Variants in FLVCR1 observed in about 807,000 individuals in gnomAD.
FLVCR1 encodes the protein choline/ethanolamine transporter FLVCR1.
In FLVCR1, 34 loss-of-function variants were observed where a neutral mutation model predicts 53.6. That is an observed-to-expected ratio of 0.63 (90% confidence interval 0.48 to 0.84). FLVCR1 has a LOEUF of 0.84. Ranked by LOEUF, FLVCR1 falls within the 40% of genes least tolerant of loss-of-function variation. The pLI is 0.00. For missense variants in FLVCR1, 677 were observed against 696.7 expected (o/e 0.97, Z 0.32); for synonymous variants, 300 against 286.3 (o/e 1.05, Z -0.48).
In FLVCR1 at chr1:212,895,441, T is replaced by C; in HGVS notation, c.*151T>C. 1.5e-6 allele frequency: 1 copy of C among 672,030 alleles called. No individual in the cohort carries two copies. The allele number at this position is 672,030 out of a possible 1,614,324, so 41.6% of individuals were successfully genotyped here. A position where few individuals can be genotyped will look rare whatever the true frequency, so the allele number is the denominator to read the frequency against. On this transcript the variant is annotated 3_prime_UTR_variant, in exon 10 of 10. Coordinates refer to ENST00000366971, the MANE Select transcript of FLVCR1 (RefSeq NM_014053.4). ...CATATGAACTCTAAATGCATAATTA[T>C]TATTTTGCTTAATTGTTAAATTAAG...
rs372330163 is a variant in FLVCR1, at chr1:212,895,027, G to A, written c.1567G>A (p.Gly523Arg). 39 of 1,595,654 alleles carry A rather than the reference G, an allele frequency of 2.4e-5. No individual in the cohort carries two copies. In the East Asian group the frequency reaches 8.5e-4, roughly 35 times the overall value. ...SDLRRHNINIGITNVDVKAIP... is the reference protein window; with the variant it reads ...SDLRRHNINIRITNVDVKAIP... Reference sequence around the variant, plus strand: ...TCTGCGAAGACACAACATAAATATAGGAATTACAAATGTTGATGTTAAAGC... The same window carrying A: ...TCTGCGAAGACACAACATAAATATAAGAATTACAAATGTTGATGTTAAAGC... The change falls in exon 9 of 10, where the codon GGA (glycine) becomes AGA (arginine). Residue 523 changes from glycine to arginine, a missense_variant. By Grantham distance (125) the Gly-to-Arg change is moderately radical. Transcript: ENST00000366971.
Position 212,888,496 on chromosome 1 carries a change from A to G in FLVCR1, c.1315A>G (p.Met439Val). 6.2e-7 allele frequency: 1 copy of G among 1,611,554 alleles called. No homozygotes were observed. Among genetic ancestry groups the G allele is most frequent in the Non-Finnish European group, 8.5e-7 (1 of 1,177,862 alleles). Residue 439 changes from methionine (M) to valine (V), a missense_variant, in exon 7 of 10, where the codon ATG (methionine) becomes GTG (valine). Met to Val is a conservative substitution (Grantham distance 21). Transcript: ENST00000366971. ...CTGGATTTATTTTCCTAGCTTCTTCATGACTGGTTACCTCCCTTTGGGTTT... is the reference window on the plus strand; with the variant it reads ...CTGGATTTATTTTCCTAGCTTCTTCGTGACTGGTTACCTCCCTTTGGGTTT... ...FVTGGVLGFFMTGYLPLGFEF... is the reference protein window; with the variant it reads ...FVTGGVLGFFVTGYLPLGFEF...
chr1:212,890,810 T>G (rs2102572100), intron 8 of FLVCR1, among the ~76,000 whole-genome samples: 1 of 152,336 alleles, frequency 6.6e-6, no homozygotes, highest in African/African-American at 2.4e-5. Context: ...TTGTGAAACC[T>G]TCAATATGAA....
intron 4 of FLVCR1, among the ~76,000 whole-genome samples, chr1:212,884,321 C>T (rs921895228): frequency 4.0e-5 from 6 of 150,718 alleles, no homozygotes; most frequent in Non-Finnish European, 7.4e-5. Flanking sequence ...GGCTGGGCGC[C>T]GTGGCTCACA....
At chr1:212,875,424 G>C (rs1246761083) in intron 3 of FLVCR1, among the ~76,000 whole-genome samples, 1 of 152,188 alleles carries the variant, frequency 6.6e-6, no homozygotes, top group Non-Finnish European at 1.5e-5. Context: ...GGGCCTTGAA[G>C]AGAGGGTTGG....
intron 5 of FLVCR1, among the ~76,000 whole-genome samples, chr1:212,886,670 G>A (rs773365568): frequency 1.3e-5 from 2 of 151,918 alleles, no homozygotes; most frequent in Non-Finnish European, 2.9e-5. Context: ...TGTGGTGGTG[G>A]GCACCTGTAA....
intron 8 of FLVCR1, 55 bp downstream of exon 8, chr1:212,889,312 A>G: frequency 3.7e-6 from 4 of 1,076,142 alleles, no homozygotes; most frequent in South Asian, 2.5e-5. Context: ...TAATTTTCAT[A>G]TATATTGCTT....
chr1:212,880,493 G>C (rs1041078912), intron 3 of FLVCR1, among the ~76,000 whole-genome samples: 1 of 152,168 alleles, frequency 6.6e-6, no homozygotes, highest in Non-Finnish European at 1.5e-5. Flanking sequence ...ACTTGACCTA[G>C]GCTAGCTTAT....
rs574290692 is a variant in FLVCR1, at chr1:212,873,269, C to T, written c.1024+451C>T. On this transcript the variant is annotated intron_variant, in intron 3 of 9. Transcript: ENST00000366971. ...CAGAGGTGGCAGTGAGCCAAGATTG[C>T]GCCACTGCACTCCAGCCTGGGCAAT... Among the ~76,000 whole-genome samples, 281 of 150,694 alleles carry T rather than the reference C, an allele frequency of 1.9e-3. 1 individual carries two copies. Among genetic ancestry groups the T allele is most frequent in the Non-Finnish European group, 3.3e-3 (227 of 67,794 alleles).
chr1:212,876,347 C>G (rs1664751820), intron 3 of FLVCR1, among the ~76,000 whole-genome samples: 1 of 151,432 alleles, frequency 6.6e-6, no homozygotes, highest in African/African-American at 2.4e-5. Flanking sequence ...CCATCCATGT[C>G]CCTGCAAAGG....
In FLVCR1 at chr1:212,858,788, G is replaced by A. The variant is rs770655789; in HGVS notation, c.336G>A (p.Leu112=). 9.3e-6 allele frequency: 15 copies of A among 1,614,170 alleles called. No homozygotes were observed. Among genetic ancestry groups the A allele is most frequent in the Non-Finnish European group, 1.3e-5 (15 of 1,180,026 alleles). The change falls in exon 1 of 10, where the codon CTG becomes CTA. Residue 112 remains leucine, a synonymous_variant. Transcript: ENST00000366971. ...ALSPRRFVVL[L]IFSLYSLVNA... The stretch of plus-strand genomic sequence containing the variant: ...CCCCGCGGCGCTTCGTGGTGCTCCT[G>A]ATCTTCAGCCTGTACTCGCTGGTCA...
At chr1:212,872,210 G>T (rs1211754613) in intron 2 of FLVCR1, among the ~76,000 whole-genome samples, 1 of 152,006 alleles carries the variant, frequency 6.6e-6, no homozygotes, top group African/African-American at 2.4e-5. Context: ...GACCTCCCAG[G>T]CTCAAGGGTT....
At chr1:212,892,346 C>T (rs1665214650) in intron 8 of FLVCR1, among the ~76,000 whole-genome samples, 1 of 152,210 alleles carries the variant, frequency 6.6e-6, no homozygotes. Flanking sequence ...GGGGTTGATG[C>T]AGCTGGTGAC....
At position 212,896,130 on chromosome 1, in the gene FLVCR1, CTCTTTTT is replaced by C. The variant is rs894976331; in HGVS notation, c.*842_*848del. 14 of 142,728 alleles carry C rather than the reference CTCTTTTT, an allele frequency of 9.8e-5. No individual in the cohort carries two copies. Among genetic ancestry groups the C allele is most frequent in the African/African-American group, 3.9e-4 (14 of 35,666 alleles). 8.8% of individuals were successfully genotyped at this position (142,728 alleles called of 1,614,324 possible). On this transcript the variant is annotated 3_prime_UTR_variant, in exon 10 of 10. Transcript: ENST00000366971. ...CATTGCCTTTTTTTTCTTTTAAACT[CTCTTTTT>C]TTTTTTTTCCTGATGTGTAACTTTC...
intron 8 of FLVCR1, among the ~76,000 whole-genome samples, chr1:212,892,842 C>G (rs553231713): frequency 2.6e-5 from 4 of 152,076 alleles, no homozygotes; most frequent in African/African-American, 9.6e-5. Flanking sequence ...ATTCTTGATT[C>G]ATGGGAGGAG....
intron 4 of FLVCR1, 26 bp from the exon 5 acceptor site, chr1:212,885,267 C>A (rs1235678092): frequency 1.3e-6 from 2 of 1,495,098 alleles, no homozygotes; most frequent in Non-Finnish European, 1.9e-6. Flanking sequence ...TTTATTTGAT[C>A]AACTTCTTAC....
chr1:212,878,423 A>G (rs1157753867), intron 3 of FLVCR1, among the ~76,000 whole-genome samples: 1 of 151,082 alleles, frequency 6.6e-6, no homozygotes, highest in Non-Finnish European at 1.5e-5. Flanking sequence ...AATGGCGTGA[A>G]CCTGAGAGGT....
chr1:212,859,223 C>A, intron 1 of FLVCR1, 33 bp downstream of exon 1: 1 of 1,613,800 alleles, frequency 6.2e-7, no homozygotes, highest in South Asian at 1.1e-5. Context: ...AAAGTCAGAT[C>A]CTTAAAAGAC....
intron 3 of FLVCR1, among the ~76,000 whole-genome samples, chr1:212,873,318 AAAT>A (rs1461025362): frequency 6.6e-6 from 1 of 151,794 alleles, no homozygotes. Flanking sequence ...CTCAAAAAAA[AAAT>A]AAAAGAAAGA....
Sources: gnomAD v4.1 joint callset for allele counts (sites outside exome capture counted in the v4.1 genomes callset) on GRCh38, gnomAD v4.1.1 for gene constraint, MANE v1.5 for transcripts, NCBI Gene and HGNC (gene_info 2026-07-23, HGNC 2026-07-21) for gene names.